Variants in SAMSN1 observed in about 807,000 individuals in gnomAD.
SAMSN1 encodes the protein SAM domain, SH3 domain and nuclear localization signals 1.
SAMSN1 carries 31 observed loss-of-function variants against 42.0 expected under a neutral mutation model. The observed-to-expected ratio is 0.74, with a 90% CI of 0.55 to 1.00. The LOEUF is 1.00. Ranked by LOEUF, SAMSN1 falls within the 50% of genes least tolerant of loss-of-function variation. The pLI is 0.00. For synonymous variants in SAMSN1, 178 were observed against 151.9 expected, an observed-to-expected ratio of 1.17 and a Z score of -1.26; for missense variants, 464 against 439.4, an observed-to-expected ratio of 1.06 and a Z score of -0.50.
exon 4 of SAMSN1, chr21:14,612,886 A>G: frequency 1.4e-6 from 1 of 707,370 alleles, no homozygotes; most frequent in South Asian, 1.5e-5. Context: ...CAAATATTTT[A>G]TTTTCAGACA....
In SAMSN1 at chr21:14,579,328, C is replaced by T. The variant is rs184336357; in HGVS notation, c.261+2808G>A. 3.9e-4 allele frequency among the ~76,000 whole-genome samples: 60 copies of T among 152,178 alleles called. No individual in the cohort carries two copies. In the East Asian group the frequency reaches 4.4e-3, roughly 11 times the overall value. On this transcript the variant is annotated intron_variant, in intron 2 of 8. Transcript: ENST00000285670. ...CTTCTGCAGATAAAACTCACTTAAT[C>T]GTTAAGTTATATATTAAAATAGACA... is the stretch of plus-strand genomic sequence containing the variant.
At chr21:14,600,894 G>C (rs1022574028) in intron 6 of SAMSN1, among the ~76,000 whole-genome samples, 9 of 152,112 alleles carry the variant, frequency 5.9e-5, no homozygotes, top group African/African-American at 2.2e-4. Context: ...GAGGGTGAGG[G>C]AGAAGAGGAA....
chr21:14,550,453 C>T (rs956504414), upstream of SAMSN1, among the ~76,000 whole-genome samples: 3 of 152,082 alleles, frequency 2.0e-5, no homozygotes, highest in Admixed American at 1.3e-4. Flanking sequence ...AATTCTGATT[C>T]TATTAACAGG....
intron 1 of SAMSN1, among the ~76,000 whole-genome samples, chr21:14,527,957 A>G (rs1978988416): frequency 2.0e-5 from 3 of 152,140 alleles, no homozygotes; most frequent in Admixed American, 2.0e-4. Context: ...AGAAATTATG[A>G]TATTCTATTT....
At chr21:14,582,008 C>T (rs1981747691) in intron 2 of SAMSN1, 3 of 845,442 alleles carry the variant, frequency 3.5e-6, no homozygotes, top group East Asian at 5.4e-5. Context: ...TTTGGAAAGA[C>T]AACTCTTGCT....
intron 2 of SAMSN1, among the ~76,000 whole-genome samples, chr21:14,578,484 A>T (rs1214466307): frequency 6.6e-6 from 1 of 151,990 alleles, no homozygotes; most frequent in Non-Finnish European, 1.5e-5. Context: ...GGAGTTCAAG[A>T]CCAGCCTGGC....
At chr21:14,529,066 G>A (rs1035727561) in intron 1 of SAMSN1, among the ~76,000 whole-genome samples, 5 of 152,182 alleles carry the variant, frequency 3.3e-5, no homozygotes, top group African/African-American at 1.2e-4. Context: ...ATGGTAATGG[G>A]TAATGCTAGT....
At chr21:14,573,335 T>G (rs1175289432) in intron 2 of SAMSN1, among the ~76,000 whole-genome samples, 2 of 152,202 alleles carry the variant, frequency 1.3e-5, no homozygotes, top group African/African-American at 4.8e-5. Flanking sequence ...AAAGTACTTC[T>G]TGTTAGAATG....
chr21:14,561,995 C>T (rs1264950730), intron 2 of SAMSN1, among the ~76,000 whole-genome samples: 1 of 152,244 alleles, frequency 6.6e-6, no homozygotes, highest in Non-Finnish European at 1.5e-5. Flanking sequence ...GGACTTTTAG[C>T]CTCCAGAACT....
At chr21:14,643,728 A>G (rs1338850358) in intron 1 of SAMSN1, among the ~76,000 whole-genome samples, 1 of 152,206 alleles carries the variant, frequency 6.6e-6, no homozygotes, top group Non-Finnish European at 1.5e-5. Flanking sequence ...GTGAGCACTC[A>G]TAGTACCTGG....
intron 2 of SAMSN1, among the ~76,000 whole-genome samples, chr21:14,560,881 G>C (rs1298386550): frequency 6.6e-6 from 1 of 152,156 alleles, no homozygotes; most frequent in East Asian, 1.9e-4. Flanking sequence ...CATACAAACT[G>C]GGTGGCTTAT....
At chr21:14,627,535 C>T (rs1328067166) in intron 2 of SAMSN1, among the ~76,000 whole-genome samples, 2 of 152,176 alleles carry the variant, frequency 1.3e-5, no homozygotes, top group Non-Finnish European at 2.9e-5. Context: ...CCAAACTGAT[C>T]TAGAATTGAA....
chr21:14,617,801 CAA>C (rs959415388), intron 2 of SAMSN1, among the ~76,000 whole-genome samples: 3 of 152,178 alleles, frequency 2.0e-5, no homozygotes, highest in African/African-American at 4.8e-5. Context: ...CCTTTGCTAT[CAA>C]AGAGATTAAT....
At chr21:14,578,738 G>T (rs1335465170) in intron 2 of SAMSN1, among the ~76,000 whole-genome samples, 1 of 135,790 alleles carries the variant, frequency 7.4e-6, no homozygotes, top group Non-Finnish European at 1.6e-5. Context: ...TAAAATTTTT[G>T]AAGTCAAGGA....
chr21:14,586,278 A>G (rs566098327), upstream of SAMSN1, among the ~76,000 whole-genome samples: 20 of 140,542 alleles, frequency 1.4e-4, 1 homozygote, highest in South Asian at 4.6e-4. Flanking sequence ...AAAAAAAAAA[A>G]GAAAAAGAAA....
chr21:14,512,699 A>G (rs749705422), intron 3 of SAMSN1, 126 bp from the exon 4 acceptor site: 75 of 856,616 alleles, frequency 8.8e-5, no homozygotes, highest in Non-Finnish European at 1.3e-4. Context: ...AGGATAAAAT[A>G]CAAAAGTAGT....
At chr21:14,570,116 G>T (rs959904166) in intron 2 of SAMSN1, among the ~76,000 whole-genome samples, 1 of 152,052 alleles carries the variant, frequency 6.6e-6, no homozygotes, top group African/African-American at 2.4e-5. Context: ...CCCTTTGCGG[G>T]TGACTGCGCA....
intron 6 of SAMSN1, among the ~76,000 whole-genome samples, chr21:14,599,339 C>G (rs774678995): frequency 2.0e-5 from 3 of 152,144 alleles, no homozygotes; most frequent in Admixed American, 6.6e-5. Context: ...TTATAAGCAT[C>G]TGGCATTGCC....
intron 3 of SAMSN1, among the ~76,000 whole-genome samples, chr21:14,516,639 G>A (rs567440037): frequency 3.9e-5 from 6 of 152,150 alleles, no homozygotes; most frequent in South Asian, 2.1e-4. Context: ...TGATCTTCCC[G>A]CCACGGCCTC....
Sources: allele counts gnomAD v4.1 joint callset (sites outside exome capture counted in the v4.1 genomes callset), GRCh38; gene constraint gnomAD v4.1.1; transcripts MANE v1.5; gene names NCBI Gene and HGNC (gene_info 2026-07-23, HGNC 2026-07-21).